SOCS6: variants seen among roughly 807,000 people sequenced by gnomAD.
The protein encoded by SOCS6 is STAT induced STAT inhibitor-4.
SOCS6 carries 5 observed loss-of-function variants against 27.7 expected under a neutral mutation model. That is an observed-to-expected ratio of 0.18 (90% CI 0.09 to 0.38). The LOEUF is 0.38. SOCS6 is among the 10% of genes least tolerant of loss of function. The probability of loss-of-function intolerance (pLI) is 1.00; values close to 1 mark genes in which losing one functional copy is unlikely to be tolerated. For missense variants in SOCS6, 595 were observed against 688.1 expected (o/e 0.86, Z 1.51); for synonymous variants, 271 against 260.0 (o/e 1.04, Z -0.41).
Position 70,317,438 on chromosome 18 carries a change from GT to G in SOCS6, c.-126-7104del, listed in dbSNP as rs1230026940. On this transcript the variant is annotated intron_variant, in intron 1 of 1. Coordinates refer to ENST00000397942, the MANE Select transcript of SOCS6 (RefSeq NM_004232.4). ...TTCCATGGTGTGTGTGTGTGTGTGT[GT>G]GTATACACATACATATATAGATACA... Among the ~76,000 whole-genome samples, 49 of 150,906 alleles carry G rather than the reference GT, an allele frequency of 3.2e-4. 1 individual carries two copies. Among genetic ancestry groups the G allele is most frequent in the African/African-American group, 1.2e-3 (48 of 41,028 alleles).
intron 1 of SOCS6, among the ~76,000 whole-genome samples, chr18:70,304,111 A>G (rs1446490587): frequency 1.3e-5 from 2 of 152,206 alleles, no homozygotes; most frequent in Admixed American, 6.5e-5. Flanking sequence ...TTTTTTTAAG[A>G]CAATAGAAGG....
In SOCS6 at chr18:70,315,598, T is replaced by C. The variant is rs908782847; in HGVS notation, c.-126-8945T>C. Among the ~76,000 whole-genome samples, 4 of 152,344 alleles carry C rather than the reference T, an allele frequency of 2.6e-5. No homozygotes were observed. The South Asian group carries it at 8.3e-4, about 32-fold the overall frequency. On this transcript the variant is annotated intron_variant, in intron 1 of 1. Transcript: ENST00000397942. ...GTTGTTTACCAATTGAGTTTTCTCT[T>C]GCATAATCAAAGAATCAACTCTTGT...
At position 70,317,554 on chromosome 18, in the gene SOCS6, TACACACACACAC is replaced by T. The variant is rs369682234; in HGVS notation, c.-126-6972_-126-6961del. 1.3e-4 allele frequency among the ~76,000 whole-genome samples: 18 copies of T among 139,118 alleles called. No homozygotes were observed. In the East Asian group the frequency reaches 2.2e-3, roughly 17 times the overall value. 91.3% of individuals were successfully genotyped at this position (139,118 alleles called of 152,430 possible). A position where few individuals can be genotyped will look rare whatever the true frequency, so the allele number is the denominator to read the frequency against. On this transcript the variant is annotated intron_variant, in intron 1 of 1. Transcript: ENST00000397942. ...TATATATACACACTTCATATATACA[TACACACACACAC>T]ACACACACACACACACCACATTTTC...
chr18:70,295,489 G>A (rs1303057037), intron 1 of SOCS6, among the ~76,000 whole-genome samples: 1 of 152,136 alleles, frequency 6.6e-6, no homozygotes, highest in Admixed American at 6.5e-5. Context: ...GTTGTGATGT[G>A]TATAATAATG....
At position 70,330,071 on chromosome 18, in the gene SOCS6, T is replaced by C. The variant is rs1911360337; in HGVS notation, c.*3795T>C. On this transcript the variant is annotated 3_prime_UTR_variant, in exon 2 of 2. Coordinates refer to ENST00000397942, the MANE Select transcript of SOCS6 (RefSeq NM_004232.4). ...GAATGAATTATCCAAAGTCCATTGA[T>C]TTTAATACGTGTTTTGGTTTGTAAA... is the stretch of plus-strand genomic sequence containing the variant. 6.0e-6 allele frequency: 1 copy of C among 167,088 alleles called. No homozygotes were observed. The highest frequency in any genetic ancestry group is 2.1e-4 in the South Asian group (1 of 4,828). The allele number at this position is 167,088 out of a possible 1,614,324, so 10.4% of individuals were successfully genotyped here.
intron 1 of SOCS6, among the ~76,000 whole-genome samples, chr18:70,321,486 ATTTTT>A (rs765150837): frequency 7.3e-4 from 82 of 112,632 alleles, no homozygotes; most frequent in African/African-American, 2.6e-3. Flanking sequence ...ATGCCTGGCT[ATTTTT>A]TTTTTTTTTT....
intron 1 of SOCS6, among the ~76,000 whole-genome samples, chr18:70,295,235 C>T (rs928108221): frequency 6.6e-6 from 1 of 152,176 alleles, no homozygotes; most frequent in Non-Finnish European, 1.5e-5. Context: ...AGATTTCCAT[C>T]AAAAACAATT....
chr18:70,317,677 A>AT (rs900414892), intron 1 of SOCS6, among the ~76,000 whole-genome samples: 80 of 144,500 alleles, frequency 5.5e-4, no homozygotes, highest in Non-Finnish European at 4.3e-4. Context: ...TGCCAGTACA[A>AT]TTTTTTTTTT....
At chr18:70,293,864 G>A (rs1310820408) in intron 1 of SOCS6, among the ~76,000 whole-genome samples, 5 of 152,172 alleles carry the variant, frequency 3.3e-5, no homozygotes, top group African/African-American at 9.7e-5. Flanking sequence ...GGGCTGAGGC[G>A]GGTGGAGCAG....
intron 1 of SOCS6, among the ~76,000 whole-genome samples, chr18:70,291,351 C>G (rs2062298543): frequency 6.6e-6 from 1 of 152,162 alleles, no homozygotes; most frequent in African/African-American, 2.4e-5. Flanking sequence ...CCTCTCACCT[C>G]AGCCTCCCAA....
At chr18:70,308,930 G>T (rs1460415367) in intron 1 of SOCS6, among the ~76,000 whole-genome samples, 1 of 152,098 alleles carries the variant, frequency 6.6e-6, no homozygotes, top group South Asian at 2.1e-4. Flanking sequence ...TAAGTGGTTT[G>T]TGTCTTTCTG....
At chr18:70,290,301 A>G (rs961894920) in intron 1 of SOCS6, among the ~76,000 whole-genome samples, 1 of 152,242 alleles carries the variant, frequency 6.6e-6, no homozygotes, top group Admixed American at 6.5e-5. Flanking sequence ...CATCTTCTCA[A>G]CCACTGAAGG....
chr18:70,321,353 T>C (rs1910984569), intron 1 of SOCS6, among the ~76,000 whole-genome samples: 1 of 131,918 alleles, frequency 7.6e-6, no homozygotes, highest in Non-Finnish European at 1.6e-5. Context: ...GAGTTTTCGC[T>C]CTTGTTGCCC....
At chr18:70,291,435 A>G (rs774659201) in intron 1 of SOCS6, among the ~76,000 whole-genome samples, 4 of 151,786 alleles carry the variant, frequency 2.6e-5, no homozygotes, top group Admixed American at 2.6e-4. Context: ...GTGTAACTAC[A>G]CTCCTTAGAG....
intron 1 of SOCS6, among the ~76,000 whole-genome samples, chr18:70,302,453 C>CG (rs1404419544): frequency 1.3e-5 from 2 of 152,092 alleles, no homozygotes; most frequent in Non-Finnish European, 2.9e-5. Context: ...GACCCACCTG[C>CG]GGGTCATGGC....
rs1600175269 is a variant in SOCS6, at chr18:70,329,795, C to A, written c.*3519C>A. 1 of 166,914 alleles carries A rather than the reference C, an allele frequency of 6.0e-6. No homozygotes were observed. Among genetic ancestry groups the A allele is most frequent in the Non-Finnish European group, 1.5e-5 (1 of 68,054 alleles). 10.3% of individuals were successfully genotyped at this position (166,914 alleles called of 1,614,324 possible). On this transcript the variant is annotated 3_prime_UTR_variant, in exon 2 of 2. Transcript: ENST00000397942. ...GTAAAGAAGGGTTTTTATAAACATT[C>A]TTTTTATTAATCAGTCATAACATGG...
At position 70,289,910 on chromosome 18, in the gene SOCS6, C is replaced by T. The variant is rs147634902; in HGVS notation, c.-127+820C>T. 1.7e-4 allele frequency among the ~76,000 whole-genome samples: 26 copies of T among 152,292 alleles called. No individual in the cohort carries two copies. The East Asian group carries it at 5.0e-3, about 29-fold the overall frequency. ...ACGGAGCAGAATTATGGACGTTTCT[C>T]AGGGGCAGATCCTGGCACAAAACTT... is the stretch of plus-strand genomic sequence containing the variant. On this transcript the variant is annotated intron_variant, in intron 1 of 1. Coordinates refer to ENST00000397942, the MANE Select transcript of SOCS6 (RefSeq NM_004232.4).
chr18:70,307,898 A>G (rs1179651262), intron 1 of SOCS6, among the ~76,000 whole-genome samples: 1 of 151,820 alleles, frequency 6.6e-6, no homozygotes, highest in Non-Finnish European at 1.5e-5. Context: ...GGGTTTAGTT[A>G]TTTTCTAATT....
At chr18:70,315,259 T>C (rs532673245) in intron 1 of SOCS6, among the ~76,000 whole-genome samples, 23 of 152,266 alleles carry the variant, frequency 1.5e-4, no homozygotes, top group African/African-American at 5.3e-4. Flanking sequence ...AAGTGTGTTG[T>C]GAATTTTGGA....
Sources: allele counts gnomAD v4.1 joint callset (sites outside exome capture counted in the v4.1 genomes callset), GRCh38; gene constraint gnomAD v4.1.1; transcripts MANE v1.5; gene names NCBI Gene and HGNC (gene_info 2026-07-23, HGNC 2026-07-21).